Variants in CSMD1 observed in about 807,000 individuals in gnomAD.
CSMD1 encodes CUB and Sushi multiple domains 1, also known as CUB and sushi domain-containing protein 1.
A neutral mutation model predicts 417.5 loss-of-function variants in CSMD1; 213 were observed. The observed-to-expected ratio is 0.51, with a 90% CI of 0.46 to 0.57. The LOEUF (loss-of-function observed/expected upper bound fraction) is 0.57. Among genes scored for constraint, CSMD1 ranks in the 20% least tolerant of loss-of-function variants. CSMD1 has a pLI of 0.00. For synonymous variants in CSMD1, 2,862 were observed against 1,736.8 expected, an observed-to-expected ratio of 1.65 and a Z score of -16.11; for missense variants, 6,923 against 4,529.7, an observed-to-expected ratio of 1.53 and a Z score of -15.17.
chr8:4,168,567 G>A (rs1243269440), intron 3 of CSMD1, among the ~76,000 whole-genome samples: 1 of 151,964 alleles, frequency 6.6e-6, no homozygotes, highest in African/African-American at 2.4e-5. Context: ...AGAAGCAGAA[G>A]GACAATAGAC....
chr8:3,122,697 T>C (rs1319952090), intron 41 of CSMD1, among the ~76,000 whole-genome samples: 2 of 152,172 alleles, frequency 1.3e-5, no homozygotes, highest in Non-Finnish European at 2.9e-5. Flanking sequence ...CATTTTCTCT[T>C]GCTGCCGCCA....
chr8:3,993,028 G>A (rs1814878992), intron 5 of CSMD1, among the ~76,000 whole-genome samples: 1 of 152,224 alleles, frequency 6.6e-6, no homozygotes, highest in Non-Finnish European at 1.5e-5. Context: ...GTGGGTCCCT[G>A]GCTGGAGCCC....
intron 3 of CSMD1, among the ~76,000 whole-genome samples, chr8:4,083,429 G>A (rs1480485399): frequency 6.6e-6 from 1 of 152,200 alleles, no homozygotes; most frequent in South Asian, 2.1e-4. Flanking sequence ...CACGCCACCT[G>A]ACTTCAAACT....
chr8:3,436,692 A>G (rs939408780), intron 12 of CSMD1, among the ~76,000 whole-genome samples: 2 of 152,182 alleles, frequency 1.3e-5, no homozygotes, highest in East Asian at 3.9e-4. Context: ...TATACGCGAC[A>G]CCTTAGAAAC....
chr8:3,543,890 T>C (rs985490246), intron 10 of CSMD1, among the ~76,000 whole-genome samples: 2 of 151,926 alleles, frequency 1.3e-5, no homozygotes, highest in Non-Finnish European at 2.9e-5. Context: ...ATGAAGAAAA[T>C]GAGGATGTGG....
At chr8:4,282,508 A>G (rs56087409) in intron 3 of CSMD1, among the ~76,000 whole-genome samples, 41 of 152,284 alleles carry the variant, frequency 2.7e-4, no homozygotes, top group African/African-American at 9.1e-4. Flanking sequence ...ATCTCCCTCT[A>G]AGCTTTGCGT....
chr8:4,516,366 G>C (rs991916892), intron 2 of CSMD1, among the ~76,000 whole-genome samples: 22 of 152,172 alleles, frequency 1.4e-4, no homozygotes, highest in Admixed American at 1.3e-4. Context: ...CATCCAGTTT[G>C]TGGTACTTTA....
At chr8:3,533,284 A>G (rs991895658) in intron 10 of CSMD1, among the ~76,000 whole-genome samples, 4 of 152,190 alleles carry the variant, frequency 2.6e-5, no homozygotes, top group African/African-American at 9.7e-5. Context: ...CAAATGTTTA[A>G]ATGCCCAATA....
chr8:4,647,631 G>C (rs560682268), intron 1 of CSMD1, among the ~76,000 whole-genome samples: 93 of 149,038 alleles, frequency 6.2e-4, no homozygotes, highest in Non-Finnish European at 1.0e-3. Flanking sequence ...TGTTCTCATT[G>C]TTCAGCTCCC....
chr8:4,513,780 C>G (rs935576958), intron 2 of CSMD1, among the ~76,000 whole-genome samples: 1 of 152,164 alleles, frequency 6.6e-6, no homozygotes, highest in Non-Finnish European at 1.5e-5. Flanking sequence ...ATAATTATTC[C>G]TTATGTACAG....
chr8:3,983,688 C>G (rs756534740), intron 5 of CSMD1, among the ~76,000 whole-genome samples: 3 of 152,238 alleles, frequency 2.0e-5, no homozygotes, highest in Non-Finnish European at 2.9e-5. Context: ...AGGACAAGTT[C>G]TAATCCCATG....
intron 1 of CSMD1, among the ~76,000 whole-genome samples, chr8:4,739,079 C>A (rs929631737): frequency 3.3e-5 from 5 of 151,110 alleles, no homozygotes; most frequent in African/African-American, 1.2e-4. Context: ...CACATGTGCA[C>A]ACACACATAC....
intron 4 of CSMD1, among the ~76,000 whole-genome samples, chr8:4,006,195 G>C (rs945536004): frequency 6.6e-6 from 1 of 152,152 alleles, no homozygotes; most frequent in South Asian, 2.1e-4. Flanking sequence ...TTCTCATGCA[G>C]TTGCTGAGAA....
At chr8:4,778,651 G>C (rs933007290) in intron 1 of CSMD1, among the ~76,000 whole-genome samples, 2 of 152,120 alleles carry the variant, frequency 1.3e-5, no homozygotes, top group Admixed American at 6.6e-5. Context: ...CATGGGAGTG[G>C]TCTAGATCTG....
intron 11 of CSMD1, among the ~76,000 whole-genome samples, chr8:3,491,641 G>A (rs949778978): frequency 6.6e-6 from 1 of 152,148 alleles, no homozygotes; most frequent in Non-Finnish European, 1.5e-5. Flanking sequence ...GTCCTCTTCT[G>A]GGTCCATCGA....
intron 3 of CSMD1, among the ~76,000 whole-genome samples, chr8:4,318,170 T>C (rs1445875444): frequency 6.6e-6 from 1 of 152,156 alleles, no homozygotes; most frequent in African/African-American, 2.4e-5. Flanking sequence ...TCTAATATTG[T>C]TACTATCCTT....
intron 3 of CSMD1, among the ~76,000 whole-genome samples, chr8:4,033,367 G>A (rs565645827): frequency 1.8e-4 from 28 of 152,128 alleles, no homozygotes; most frequent in South Asian, 1.2e-3. Context: ...GCGTGAACCC[G>A]GGAGGCGGAG....
At position 3,407,896 on chromosome 8, in the gene CSMD1, T is replaced by C; in HGVS notation, c.2071+3A>G. On this transcript the variant is annotated splice_donor_region_variant and intron_variant, in intron 14 of 69. Transcript: ENST00000635120. The stretch of plus-strand genomic sequence containing the variant: ...GATGTGTTGACTGTGTGGGCGTACT[T>C]ACTGGTGTAAGTGATGTTGAACCCT... The C allele has an allele frequency of 2.5e-6, 4 of 1,601,146 alleles. No individual in the cohort carries two copies. Among genetic ancestry groups the C allele is most frequent in the Non-Finnish European group, 3.4e-6 (4 of 1,171,054 alleles).
At chr8:4,196,061 A>T (rs1181668239) in intron 3 of CSMD1, among the ~76,000 whole-genome samples, 1 of 151,910 alleles carries the variant, frequency 6.6e-6, no homozygotes, top group East Asian at 1.9e-4. Flanking sequence ...AATACAAAAA[A>T]TTAGCCGGGC....
Sources: allele counts gnomAD v4.1 joint callset (sites outside exome capture counted in the v4.1 genomes callset), GRCh38; gene constraint gnomAD v4.1.1; transcripts MANE v1.5; gene names NCBI Gene and HGNC (gene_info 2026-07-23, HGNC 2026-07-21).